ITGA9: variants seen among roughly 807,000 people sequenced by gnomAD.
The protein encoded by ITGA9 is integrin alpha-9.
A neutral mutation model predicts 127.8 loss-of-function variants in ITGA9; 56 were observed. The ratio of observed to expected loss-of-function variants is 0.44; its 90% confidence interval spans 0.35 to 0.55. ITGA9 has a LOEUF of 0.55. Among genes scored for constraint, ITGA9 ranks in the 20% least tolerant of loss-of-function variants. ITGA9 has a pLI of 0.00. For synonymous variants in ITGA9, 508 were observed against 514.5 expected (o/e 0.99, Z 0.17); for missense variants, 1,196 against 1,347.1 (o/e 0.89, Z 1.76).
chr3:37,757,126 A>G (rs1007008117), intron 23 of ITGA9, among the ~76,000 whole-genome samples: 1 of 151,862 alleles, frequency 6.6e-6, no homozygotes, highest in African/African-American at 2.4e-5. Flanking sequence ...AATGAAATAA[A>G]CCCAACTCAA....
intron 17 of ITGA9, among the ~76,000 whole-genome samples, chr3:37,670,720 A>T (rs1221150912): frequency 6.6e-6 from 1 of 152,180 alleles, no homozygotes; most frequent in Non-Finnish European, 1.5e-5. Flanking sequence ...TTTAAAGCAT[A>T]TTGCTAAACT....
chr3:37,523,651 G>A (rs375316292), intron 12 of ITGA9, 40 bp downstream of exon 12: 3 of 1,340,920 alleles, frequency 2.2e-6, no homozygotes, highest in Non-Finnish European at 2.1e-6. Flanking sequence ...GATAAATGAA[G>A]ATAAATGCAT....
chr3:37,758,216 G>A (rs1175344895), intron 23 of ITGA9, among the ~76,000 whole-genome samples: 1 of 148,460 alleles, frequency 6.7e-6, no homozygotes, highest in East Asian at 2.0e-4. Flanking sequence ...CCAGATACTC[G>A]GGAGGCTGAG....
In ITGA9 at chr3:37,741,773, G is replaced by C. The variant is rs139586026; in HGVS notation, c.2278G>C (p.Val760Leu). 3 of 1,613,844 alleles carry C rather than the reference G, an allele frequency of 1.9e-6. No individual in the cohort carries two copies. The highest frequency in any genetic ancestry group is 2.5e-6 in the Non-Finnish European group (3 of 1,179,896). Residue 760 changes from valine (V) to leucine (L), a missense_variant, in exon 21 of 28, where the codon GTG becomes CTG. Coordinates refer to ENST00000264741, the MANE Select transcript of ITGA9 (RefSeq NM_002207.3). ...TGAATCCCTGCATGACAACACCCTC[G>C]TGCTGATGGTGCCACTGATGCACGA... ...RSESLHDNTL[V>L]LMVPLMHEVD...
chr3:37,543,878 C>T (rs1021695404), intron 15 of ITGA9, among the ~76,000 whole-genome samples: 5 of 152,258 alleles, frequency 3.3e-5, no homozygotes, highest in Non-Finnish European at 7.3e-5. Flanking sequence ...AGACCAGCTG[C>T]CTGAGGGCTT....
At chr3:37,477,324 G>A (rs1698504060) in intron 3 of ITGA9, among the ~76,000 whole-genome samples, 1 of 152,192 alleles carries the variant, frequency 6.6e-6, no homozygotes, top group Admixed American at 6.5e-5. Context: ...TGAAAGTGGT[G>A]TCTGGTGCTG....
intron 18 of ITGA9, among the ~76,000 whole-genome samples, chr3:37,718,136 A>G (rs1701153802): frequency 6.6e-6 from 1 of 152,272 alleles, no homozygotes; most frequent in African/African-American, 2.4e-5. Context: ...AAGGACACTG[A>G]GGCTACTCAG....
chr3:37,576,039 G>A (rs1699651348), intron 15 of ITGA9, among the ~76,000 whole-genome samples: 1 of 152,178 alleles, frequency 6.6e-6, no homozygotes, highest in South Asian at 2.1e-4. Context: ...CCATAACCCC[G>A]GGAAAGCTCA....
rs571026948 is a variant in ITGA9 at position 37,699,390 on chromosome 3, A to C, written c.2067+15375A>C. 3.7e-4 allele frequency among the ~76,000 whole-genome samples: 56 copies of C among 152,294 alleles called. 1 individual carries two copies. The highest frequency in any genetic ancestry group is 3.5e-3 in the South Asian group (17 of 4,826). On this transcript the variant is annotated intron_variant, in intron 18 of 27. Transcript: ENST00000264741. ...ACCTGTTCCATTTGTAGGAAACAGT[A>C]ACTCCATCCTTCTTGGCTCTCCCTT...
chr3:37,495,335 G>T (rs542430740), intron 5 of ITGA9, among the ~76,000 whole-genome samples: 1 of 152,178 alleles, frequency 6.6e-6, no homozygotes, highest in East Asian at 1.9e-4. Flanking sequence ...TTATGTGCCC[G>T]TGTGGTAGTA....
At chr3:37,542,311 T>C (rs1699280940) in intron 14 of ITGA9, 114 bp from the exon 15 acceptor site, 2 of 1,133,704 alleles carry the variant, frequency 1.8e-6, no homozygotes, top group Admixed American at 1.7e-5. Flanking sequence ...TCTCCTGCCA[T>C]GGAAGGGTAG....
chr3:37,757,339 A>C (rs909728608), intron 23 of ITGA9, among the ~76,000 whole-genome samples: 1 of 151,892 alleles, frequency 6.6e-6, no homozygotes, highest in Non-Finnish European at 1.5e-5. Context: ...TTAAAGAAGT[A>C]CCATACTTAT....
Position 37,630,510 on chromosome 3 carries a change from C to T in ITGA9, c.1839+1174C>T, listed in dbSNP as rs547557775. 2.0e-5 allele frequency among the ~76,000 whole-genome samples: 3 copies of T among 152,324 alleles called. 1 individual carries two copies. The highest frequency in any genetic ancestry group is 7.2e-5 in the African/African-American group (3 of 41,572). On this transcript the variant is annotated intron_variant, in intron 16 of 27. Coordinates refer to ENST00000264741, the MANE Select transcript of ITGA9 (RefSeq NM_002207.3). ...TGTCCTCACCTTGAGGCAAGAGGGG[C>T]TTCCCTTTTGTGCCCCATATCATTC... is the stretch of plus-strand genomic sequence containing the variant.
chr3:37,463,256 T>C (rs902836245), intron 1 of ITGA9, among the ~76,000 whole-genome samples: 1 of 152,228 alleles, frequency 6.6e-6, no homozygotes, highest in African/African-American at 2.4e-5. Context: ...CACCACAATA[T>C]TGCTGCATCC....
At chr3:37,731,366 C>T (rs887933157) in intron 18 of ITGA9, among the ~76,000 whole-genome samples, 3 of 152,172 alleles carry the variant, frequency 2.0e-5, no homozygotes, top group African/African-American at 4.8e-5. Flanking sequence ...GTGATACTAA[C>T]GCTGGCGATC....
At chr3:37,765,317 T>A (rs1468822503) in intron 23 of ITGA9, among the ~76,000 whole-genome samples, 2 of 152,164 alleles carry the variant, frequency 1.3e-5, no homozygotes, top group Non-Finnish European at 2.9e-5. Context: ...AATAAGAGAT[T>A]GAATTACTTA....
At chr3:37,489,368 G>A (rs1469907043) in intron 4 of ITGA9, among the ~76,000 whole-genome samples, 5 of 152,246 alleles carry the variant, frequency 3.3e-5, no homozygotes, top group Non-Finnish European at 7.3e-5. Context: ...AATCAGCAGT[G>A]TAGCTTTAAA....
At chr3:37,738,313 A>G (rs566146177) in intron 20 of ITGA9, among the ~76,000 whole-genome samples, 180 of 152,360 alleles carry the variant, frequency 1.2e-3, no homozygotes, top group African/African-American at 3.9e-3. Context: ...AGGCTGAAGC[A>G]ACATGGGCAC....
intron 5 of ITGA9, 97 bp downstream of exon 5, chr3:37,494,665 TC>T: frequency 1.0e-6 from 1 of 953,016 alleles, no homozygotes; most frequent in Non-Finnish European, 1.7e-6. Flanking sequence ...ACTTCTGGAG[TC>T]CCAGATACTT....
Sources: gnomAD v4.1 joint callset for allele counts (sites outside exome capture counted in the v4.1 genomes callset) on GRCh38, gnomAD v4.1.1 for gene constraint, MANE v1.5 for transcripts, NCBI Gene and HGNC (gene_info 2026-07-23, HGNC 2026-07-21) for gene names.